Variants in NAV3 observed in about 807,000 individuals in gnomAD.
The protein encoded by NAV3 is neuron navigator 3, also known as pore membrane and/or filament interacting like protein 1.
A neutral mutation model predicts 244.7 loss-of-function variants in NAV3; 87 were observed. That is an observed-to-expected ratio of 0.36 (90% CI 0.30 to 0.42). The LOEUF is 0.42. NAV3 is among the 20% of genes least tolerant of loss of function. The pLI is 1.00. For missense variants in NAV3, 2,663 were observed against 2,893.3 expected (o/e 0.92, Z 1.83); for synonymous variants, 1,126 against 1,042.2 (o/e 1.08, Z -1.55).
chr12:77,737,211 T>G (rs1227034204), intron 2 of NAV3, among the ~76,000 whole-genome samples: 1 of 149,028 alleles, frequency 6.7e-6, no homozygotes, highest in Non-Finnish European at 1.5e-5. Flanking sequence ...TTATGTGGGT[T>G]TGGATCAAGA....
intron 1 of NAV3, among the ~76,000 whole-genome samples, chr12:77,915,889 C>T (rs1887094940): frequency 6.6e-6 from 1 of 151,982 alleles, no homozygotes; most frequent in South Asian, 2.1e-4. Context: ...GTGAGCAAGA[C>T]AGAGTGCTGA....
intron 12 of NAV3, among the ~76,000 whole-genome samples, chr12:78,087,856 C>A (rs1189337806): frequency 6.6e-6 from 1 of 151,700 alleles, no homozygotes; most frequent in Non-Finnish European, 1.5e-5. Context: ...CAAATTATAG[C>A]AGATTAATTT....
intron 1 of NAV3, among the ~76,000 whole-genome samples, chr12:77,870,075 G>A (rs1271123215): frequency 6.6e-6 from 1 of 152,056 alleles, no homozygotes; most frequent in Non-Finnish European, 1.5e-5. Flanking sequence ...TTGTATAAAA[G>A]TTTCTAATAA....
At chr12:77,977,718 A>ACT in intron 5 of NAV3, among the ~76,000 whole-genome samples, 1 of 144,342 alleles carries the variant, frequency 6.9e-6, no homozygotes. Flanking sequence ...ACGCGCACAC[A>ACT]CACACACACA....
At chr12:77,927,631 G>T (rs1456311503) in intron 1 of NAV3, among the ~76,000 whole-genome samples, 4 of 152,182 alleles carry the variant, frequency 2.6e-5, no homozygotes, top group Non-Finnish European at 5.9e-5. Context: ...CTTGGAGAAA[G>T]AATGTTATGT....
intron 1 of NAV3, among the ~76,000 whole-genome samples, chr12:77,878,856 A>C (rs976855520): frequency 2.0e-5 from 3 of 151,482 alleles, no homozygotes; most frequent in African/African-American, 4.9e-5. Context: ...TGAAATTTGG[A>C]CTTGAATTAT....
intron 24 of NAV3, among the ~76,000 whole-genome samples, chr12:78,169,494 C>T (rs1026850454): frequency 2.6e-5 from 4 of 151,684 alleles, no homozygotes; most frequent in African/African-American, 7.3e-5. Context: ...TTATTAATAT[C>T]GTGTCATTTT....
intron 34 of NAV3, among the ~76,000 whole-genome samples, chr12:78,195,185 T>TA: frequency 6.6e-6 from 1 of 152,056 alleles, no homozygotes; most frequent in South Asian, 2.1e-4. Flanking sequence ...CTTTATATAA[T>TA]AAAATGCAAC....
At chr12:78,104,951 G>A (rs1263322858) in intron 12 of NAV3, among the ~76,000 whole-genome samples, 1 of 152,058 alleles carries the variant, frequency 6.6e-6, no homozygotes, top group African/African-American at 2.4e-5. Context: ...AATGTATGCT[G>A]GGATAAATAT....
chr12:77,928,890 G>C (rs1270956223), intron 1 of NAV3, among the ~76,000 whole-genome samples: 1 of 152,180 alleles, frequency 6.6e-6, no homozygotes, highest in Non-Finnish European at 1.5e-5. Context: ...CTGAAATTGA[G>C]TTAAAGGGTG....
chr12:77,917,053 T>C (rs1211632851), intron 1 of NAV3, among the ~76,000 whole-genome samples: 1 of 151,962 alleles, frequency 6.6e-6, no homozygotes, highest in African/African-American at 2.4e-5. Flanking sequence ...ATAAAAATCA[T>C]AATGAAAAAG....
intron 35 of NAV3, 132 bp downstream of exon 35, chr12:78,197,533 G>C: frequency 1.7e-6 from 1 of 595,048 alleles, no homozygotes; most frequent in Non-Finnish European, 2.7e-6. Flanking sequence ...AGATAAAACT[G>C]TACATATTGA....
At position 78,188,255 on chromosome 12, in the gene NAV3, A is replaced by T; in HGVS notation, c.5798A>T (p.Lys1933Ile). ...TATTTTGTTCTTATTTAGGACCAAA[A>T]ATCTCAGGCATATTTGATAGGATCC... Reference protein sequence around the residue: ...SKGYGRAKDQKSQAYLIGSIG... With the variant: ...SKGYGRAKDQISQAYLIGSIG... Residue 1933 changes from lysine (K) to isoleucine (I), a missense_variant, in exon 32 of 40, where the codon AAA becomes ATA. Lys to Ile is a moderately radical substitution (Grantham distance 102, BLOSUM62 -3). This residue lies in a region of NAV3 where 543 missense variants were observed against 672.4 expected (regional missense o/e 0.81). Transcript: ENST00000397909. The T allele has an allele frequency of 6.2e-7, 1 of 1,609,766 alleles. No individual in the cohort carries two copies.
At chr12:77,577,591 T>C (rs1274437698) in intron 2 of NAV3, among the ~76,000 whole-genome samples, 1 of 152,152 alleles carries the variant, frequency 6.6e-6, no homozygotes, top group Non-Finnish European at 1.5e-5. Context: ...TGAGCCTATA[T>C]CTTCATATAA....
Position 78,015,232 on chromosome 12 carries a change from C to T in NAV3, c.1908-6515C>T, listed in dbSNP as rs147674380. Among the ~76,000 whole-genome samples the T allele has an allele frequency of 2.5e-3, 373 of 152,186 alleles. 3 individuals carry two copies. Among genetic ancestry groups the T allele is most frequent in the African/African-American group, 8.2e-3 (340 of 41,524 alleles). On this transcript the variant is annotated intron_variant, in intron 8 of 39. Transcript: ENST00000397909. ...ATTTGCAAGAATTGTGCAAATGACT[C>T]TCATGTACACTTCTCCCAGAGCACT...
At chr12:78,021,243 TGAC>T (rs1877103897) in intron 8 of NAV3, among the ~76,000 whole-genome samples, 1 of 152,194 alleles carries the variant, frequency 6.6e-6, no homozygotes, top group South Asian at 2.1e-4. Context: ...TGTTTCTGGT[TGAC>T]TTTAATTGCT....
At chr12:78,069,786 G>T (rs1316710736) in intron 12 of NAV3, among the ~76,000 whole-genome samples, 2 of 151,854 alleles carry the variant, frequency 1.3e-5, no homozygotes, top group African/African-American at 2.4e-5. Flanking sequence ...CTCACATATC[G>T]TGTGTGTATG....
rs570125461 is a variant in NAV3 at position 77,834,019 on chromosome 12, C to A, written c.243+2315C>A. ...GACGTCCAGCCGCTTGTGTGTTCTT[C>A]CGCCAGTGTGTTCCTCTCGATGTCC... On this transcript the variant is annotated intron_variant, in intron 1 of 39. Transcript: ENST00000397909. Among the ~76,000 whole-genome samples the A allele has an allele frequency of 9.2e-5, 14 of 152,202 alleles. No homozygotes were observed. The South Asian group carries it at 2.9e-3, about 32-fold the overall frequency.
At chr12:78,077,708 C>T (rs528050808) in intron 12 of NAV3, among the ~76,000 whole-genome samples, 22 of 152,268 alleles carry the variant, frequency 1.4e-4, no homozygotes, top group South Asian at 1.0e-3. Context: ...GAGACTGAGG[C>T]GGGTAGATCA....
Sources: gnomAD v4.1 joint callset for allele counts (sites outside exome capture counted in the v4.1 genomes callset) on GRCh38, gnomAD v4.1.1 for gene constraint, gnomAD v4.1.1 regional missense constraint, MANE v1.5 for transcripts, NCBI Gene and HGNC (gene_info 2026-07-23, HGNC 2026-07-21) for gene names.